The following CDYL variants were observed in gnomAD, a reference collection of about 807,000 sequenced individuals.
CDYL encodes the protein chromodomain Y like.
A neutral mutation model predicts 47.3 loss-of-function variants in CDYL; 8 were observed. That is an observed-to-expected ratio of 0.17 (90% CI 0.10 to 0.31). The LOEUF (loss-of-function observed/expected upper bound fraction) is 0.31. CDYL is among the 10% of genes least tolerant of loss of function. The probability of loss-of-function intolerance (pLI) is 1.00; values close to 1 mark genes in which losing one functional copy is unlikely to be tolerated. For missense variants in CDYL, 471 were observed against 701.4 expected (o/e 0.67, Z 3.71); for synonymous variants, 266 against 265.0 (o/e 1.00, Z -0.04).
At chr6:4,853,938 A>G (rs1760928279) in intron 1 of CDYL, among the ~76,000 whole-genome samples, 1 of 152,162 alleles carries the variant, frequency 6.6e-6, no homozygotes, top group Non-Finnish European at 1.5e-5. Flanking sequence ...CCACTTTGTA[A>G]AATTTTGTTT....
chr6:4,819,742 C>T (rs1016878), intron 1 of CDYL, among the ~76,000 whole-genome samples: 5,156 of 152,198 alleles, frequency 0.034, 299 homozygotes, highest in African/African-American at 0.12. Flanking sequence ...GGACATTTGG[C>T]AATGTCTGGA....
chr6:4,752,836 A>ATGTGTGTGTGTGTGTGTGTG lies in CDYL; in HGVS notation c.186+17994_186+18013dup, dbSNP rs35686534. On this transcript the variant is annotated intron_variant, in intron 3 of 8. Coordinates refer to the CDYL transcript ENST00000328908. ...TCTTTCATGTCTGCAAAGGAAAATA[A>ATGTGTGTGTGTGTGTGTGTG]TGTGTGTGTGTGTGTGTGTGTTTGT... Among the ~76,000 whole-genome samples, 685 of 148,826 alleles carry ATGTGTGTGTGTGTGTGTGTG rather than the reference A, an allele frequency of 4.6e-3. 6 individuals carry two copies. Among genetic ancestry groups the ATGTGTGTGTGTGTGTGTGTG allele is most frequent in the East Asian group, 7.3e-3 (37 of 5,074 alleles).
intron 2 of CDYL, among the ~76,000 whole-genome samples, chr6:4,717,255 C>G (rs1265855896): frequency 1.3e-5 from 2 of 152,160 alleles, no homozygotes; most frequent in African/African-American, 2.4e-5. Context: ...CCTCAATTCC[C>G]TAATTCCTGT....
In CDYL at chr6:4,919,111, A is replaced by G. The variant is rs376951356; in HGVS notation, c.692-16404A>G. Among the ~76,000 whole-genome samples, 483 of 152,284 alleles carry G rather than the reference A, an allele frequency of 3.2e-3. 1 individual carries two copies. Among genetic ancestry groups the G allele is most frequent in the African/African-American group, 0.011 (467 of 41,544 alleles). ...GAGTGTTTTGTTCCAGAAGACCGGAACAAAACAAGTTCAAGTTCTTTTCGT... is the reference window on the plus strand; with the variant it reads ...GAGTGTTTTGTTCCAGAAGACCGGAGCAAAACAAGTTCAAGTTCTTTTCGT... On this transcript the variant is annotated intron_variant, in intron 2 of 6. Transcript: ENST00000397588.
chr6:4,724,019 T>C (rs1429201974), intron 2 of CDYL, among the ~76,000 whole-genome samples: 8 of 152,216 alleles, frequency 5.3e-5, no homozygotes, highest in African/African-American at 1.7e-4. Flanking sequence ...CTGTGCTAGT[T>C]TGAGTCCTGC....
rs1758737984 is a variant in CDYL at position 4,952,473 on chromosome 6, C to G, written c.1476+64C>G. On this transcript the variant is annotated intron_variant, in intron 6 of 6. Coordinates refer to ENST00000397588, the MANE Select transcript of CDYL (RefSeq NM_004824.4). ...AAATAGAAACTTTTCCCTCAGAGAG[C>G]TCACAAATTTGCAATTATTCCTAAG... The G allele has an allele frequency of 9.1e-6, 14 of 1,539,720 alleles. No homozygotes were observed. The South Asian group carries it at 1.6e-4, about 18-fold the overall frequency.
intron 2 of CDYL, among the ~76,000 whole-genome samples, chr6:4,730,355 C>A (rs562312167): frequency 1.3e-5 from 2 of 152,184 alleles, no homozygotes; most frequent in African/African-American, 4.8e-5. Context: ...CTGAGTTCTC[C>A]TACAGAAGCA....
intron 4 of CDYL, among the ~76,000 whole-genome samples, chr6:4,939,131 G>C (rs1301541777): frequency 6.6e-6 from 1 of 152,184 alleles, no homozygotes. Flanking sequence ...AAGTAAGTTG[G>C]ATCTTTTCCA....
At chr6:4,777,272 T>C (rs1440482561) in intron 1 of CDYL, among the ~76,000 whole-genome samples, 2 of 152,188 alleles carry the variant, frequency 1.3e-5, no homozygotes, top group Non-Finnish European at 2.9e-5. Context: ...TCGACTTTGC[T>C]GTTCGCCAAA....
intron 1 of CDYL, among the ~76,000 whole-genome samples, chr6:4,801,409 G>T (rs1391008770): frequency 6.6e-6 from 1 of 152,234 alleles, no homozygotes; most frequent in African/African-American, 2.4e-5. Context: ...AGAGGGTCAA[G>T]ATTTCCTATT....
chr6:4,937,494 C>CAAAA, intron 3 of CDYL, 71 bp from the exon 4 acceptor site: 9 of 1,141,674 alleles, frequency 7.9e-6, no homozygotes, highest in South Asian at 1.9e-5. Context: ...AGACTCTCTC[C>CAAAA]AAAAAAAAAA....
chr6:4,777,759 A>T lies in CDYL; in HGVS notation c.24+952A>T, dbSNP rs548451452. Among the ~76,000 whole-genome samples the T allele has an allele frequency of 1.4e-3, 219 of 152,298 alleles. 1 individual carries two copies. The highest frequency in any genetic ancestry group is 2.6e-3 in the Non-Finnish European group (180 of 68,026). ...CAAGTAGAGCCCTGTGGCCCCAGGG[A>T]TCCTTTCAGTTGTCTTCTCTTATGG... On this transcript the variant is annotated intron_variant, in intron 1 of 6. Coordinates refer to ENST00000397588, the MANE Select transcript of CDYL (RefSeq NM_004824.4).
At chr6:4,764,727 G>A (rs565340418) in intron 3 of CDYL, among the ~76,000 whole-genome samples, 2 of 152,292 alleles carry the variant, frequency 1.3e-5, no homozygotes, top group African/African-American at 4.8e-5. Flanking sequence ...TTAAAAATAT[G>A]CAAAGCAAAA....
intron 4 of CDYL, among the ~76,000 whole-genome samples, chr6:4,940,423 G>A (rs539558409): frequency 6.6e-6 from 1 of 151,354 alleles, no homozygotes; most frequent in South Asian, 2.1e-4. Flanking sequence ...TCATTTCTCT[G>A]GTGTCTTGTC....
chr6:4,882,983 C>A (rs1254891216), intron 1 of CDYL, among the ~76,000 whole-genome samples: 1 of 152,110 alleles, frequency 6.6e-6, no homozygotes, highest in African/African-American at 2.4e-5. Context: ...ACGTGATAAC[C>A]CATGAGATGT....
chr6:4,826,406 G>C (rs1561656362), intron 1 of CDYL, among the ~76,000 whole-genome samples: 1 of 151,690 alleles, frequency 6.6e-6, no homozygotes, highest in Non-Finnish European at 1.5e-5. Context: ...GGTTTACTTT[G>C]CTCTTCTTTT....
rs142229110 is a variant in CDYL, at chr6:4,932,328, C to T, written c.692-3187C>T. Among the ~76,000 whole-genome samples, 431 of 152,332 alleles carry T rather than the reference C, an allele frequency of 2.8e-3. 2 individuals are homozygous for T. The highest frequency in any genetic ancestry group is 7.7e-3 in the African/African-American group (320 of 41,574). On this transcript the variant is annotated intron_variant, in intron 2 of 6. Coordinates refer to ENST00000397588, the MANE Select transcript of CDYL (RefSeq NM_004824.4). ...TTCCTGGTTCACAAATAGCACCTTT[C>T]TGCAGCATCATCACAGGGCAGAAGA...
chr6:4,808,561 G>A (rs746583044), intron 1 of CDYL, among the ~76,000 whole-genome samples: 7 of 152,174 alleles, frequency 4.6e-5, no homozygotes, highest in Non-Finnish European at 1.0e-4. Context: ...TAGCCCATGG[G>A]TTCAATCTGG....
At position 4,766,543 on chromosome 6, in the gene CDYL, A is replaced by G. The variant is rs141840523; in HGVS notation, c.186+31699A>G. Among the ~76,000 whole-genome samples the G allele has an allele frequency of 4.9e-4, 74 of 152,256 alleles. No individual in the cohort carries two copies. In the East Asian group the frequency reaches 0.013, roughly 27 times the overall value. Reference sequence around the variant, plus strand: ...TTTCTTTATTAAAGAATTTGAATCTATAATTTAAAGTCTTCCAGTAAGAAT... The same window carrying G: ...TTTCTTTATTAAAGAATTTGAATCTGTAATTTAAAGTCTTCCAGTAAGAAT... On this transcript the variant is annotated intron_variant, in intron 3 of 8. Coordinates refer to the CDYL transcript ENST00000328908.
Sources: gnomAD v4.1 joint callset for allele counts (sites outside exome capture counted in the v4.1 genomes callset) on GRCh38, gnomAD v4.1.1 for gene constraint, MANE v1.5 for transcripts, NCBI Gene and HGNC (gene_info 2026-07-23, HGNC 2026-07-21) for gene names.